Variants in FHL3 observed in about 807,000 individuals in gnomAD.
The protein encoded by FHL3 is four and a half LIM domains 3.
In FHL3, 21 loss-of-function variants were observed where a neutral mutation model predicts 34.3. The observed-to-expected ratio is 0.61, with a 90% CI of 0.43 to 0.88. The LOEUF is 0.88. Among genes scored for constraint, FHL3 ranks in the 40% least tolerant of loss-of-function variants. The probability of loss-of-function intolerance (pLI) is 0.00; values close to 1 mark genes in which losing one functional copy is unlikely to be tolerated. For missense variants in FHL3, 333 were observed against 373.7 expected (o/e 0.89, Z 0.90); for synonymous variants, 137 against 144.6 (o/e 0.95, Z 0.38).
At position 37,997,484 on chromosome 1, in the gene FHL3, G is replaced by C. The variant is rs896708881; in HGVS notation, c.764C>G (p.Ser255Cys). 7 of 1,614,058 alleles carry C rather than the reference G, an allele frequency of 4.3e-6. No homozygotes were observed. The highest frequency in any genetic ancestry group is 5.1e-6 in the Non-Finnish European group (6 of 1,179,972). ...HHNCFSCARCSTSLVGQGFVP... is the reference protein window; with the variant it reads ...HHNCFSCARCCTSLVGQGFVP... ...GAAGCCCTGGCCCACCAGGGAGGTA[G>C]AGCAGCGGGCGCAGGAGAAGCAGTT... Residue 255 changes from serine to cysteine, a missense_variant, in exon 6 of 6, where the codon TCT (serine) becomes TGT (cysteine). By Grantham distance (112) the Ser-to-Cys change is moderately radical (BLOSUM62 -1). Transcript: ENST00000373016. The surrounding 1 kb of genome is among the most constrained non-coding windows in gnomAD (Gnocchi z 4.3).
In FHL3 at chr1:37,997,394, G is replaced by T. The variant is rs747865957; in HGVS notation, c.*11C>A. 2.5e-6 allele frequency: 4 copies of T among 1,612,632 alleles called. No individual in the cohort carries two copies. Among genetic ancestry groups the T allele is most frequent in the Admixed American group, 3.3e-5 (2 of 59,798 alleles). ...CGTGGTATGGGAAAGCCTGGGTCCA[G>T]GAGCCCTGGCTTAGGGCCCTGCCTG... On this transcript the variant is annotated 3_prime_UTR_variant, in exon 6 of 6. Coordinates refer to ENST00000373016, the MANE Select transcript of FHL3 (RefSeq NM_004468.5). The surrounding 1 kb of genome is among the most constrained non-coding windows in gnomAD (Gnocchi z 4.3).
Position 37,997,455 on chromosome 1 carries a change from G to A in FHL3, c.793C>T (p.Pro265Ser), listed in dbSNP as rs1414141088. 1.2e-6 allele frequency: 2 copies of A among 1,613,946 alleles called. No homozygotes were observed. ...STSLVGQGFV[P>S]DGDQVLCQGC... ...TGGCAGAGCACTTGGTCTCCATCCGGTACGAAGCCCTGGCCCACCAGGGAG... is the reference window on the plus strand; with the variant it reads ...TGGCAGAGCACTTGGTCTCCATCCGATACGAAGCCCTGGCCCACCAGGGAG... The change falls in exon 6 of 6, where the codon CCG becomes TCG. Residue 265 changes from proline to serine, a missense_variant. Physicochemically the swap from Pro to Ser is moderately conservative, Grantham distance 74. Coordinates refer to ENST00000373016, the MANE Select transcript of FHL3 (RefSeq NM_004468.5). This position sits in a 1 kb window ranked among gnomAD's most constrained non-coding sequence, Gnocchi z 4.3.
In FHL3 at chr1:37,997,662, C is replaced by A. The variant is rs747155888; in HGVS notation, c.688+22G>T. ...TCCCTTGCCTGCACCCTACCCACTC[C>A]GTTCTTTGACCCTTGTCCCACCTAC... is the stretch of plus-strand genomic sequence containing the variant. On this transcript the variant is annotated intron_variant, in intron 5 of 5. Transcript: ENST00000373016. The surrounding 1 kb of genome is among the most constrained non-coding windows in gnomAD (Gnocchi z 4.3). 1 of 1,613,606 alleles carries A rather than the reference C, an allele frequency of 6.2e-7. No homozygotes were observed. The highest frequency in any genetic ancestry group is 1.7e-5 in the Admixed American group (1 of 60,002).
At chr1:38,003,556 T>C (rs1646615839) in intron 1 of FHL3, among the ~76,000 whole-genome samples, 1 of 152,196 alleles carries the variant, frequency 6.6e-6, no homozygotes, top group Non-Finnish European at 1.5e-5. Flanking sequence ...TTGAGATCTC[T>C]CATGCAGGTC....
Position 37,998,114 on chromosome 1 carries a change from T to C in FHL3, c.350A>G (p.Tyr117Cys). 1 of 1,614,010 alleles carries C rather than the reference T, an allele frequency of 6.2e-7. No individual in the cohort carries two copies. Among genetic ancestry groups the C allele is most frequent in the Non-Finnish European group, 8.5e-7 (1 of 1,179,946 alleles). Residue 117 changes from tyrosine (Y) to cysteine (C), a missense_variant, in exon 4 of 6, where the codon TAT becomes TGT. Transcript: ENST00000373016. ...GTGCTCATGCCATGTCTGGCCTCCA[T>C]ATTCCAGCTTCCGGGACCCTGTGGG... is the stretch of plus-strand genomic sequence containing the variant. ...TVMPGSRKLEYGGQTWHEHCF... is the reference protein window; with the variant it reads ...TVMPGSRKLECGGQTWHEHCF...
In FHL3 at chr1:37,999,017, C is replaced by G; in HGVS notation, c.288G>C (p.Ala96=). 1 of 1,614,274 alleles carries G rather than the reference C, an allele frequency of 6.2e-7. No homozygotes were observed. Among genetic ancestry groups the G allele is most frequent in the Non-Finnish European group, 8.5e-7 (1 of 1,180,050 alleles). The change falls in exon 3 of 6, where the codon GCG becomes GCC. Residue 96 remains alanine, a synonymous_variant. Transcript: ENST00000373016. ...CACAAGCGGAGCACTGCGAGGAAAA[C>G]GCACTGCAGTAGCAGTCATTGCAGA... ...ELLCNDCYCS[A]FSSQCSACGE...
intron 3 of FHL3, chr1:37,998,753 C>A: frequency 1.8e-6 from 1 of 568,856 alleles, no homozygotes; most frequent in Non-Finnish European, 3.1e-6. Flanking sequence ...GATATTCACA[C>A]ATGCTAAGCC....
intron 3 of FHL3, 115 bp from the exon 4 acceptor site, chr1:37,998,247 T>G: frequency 1.1e-6 from 1 of 901,376 alleles, no homozygotes; most frequent in Non-Finnish European, 1.7e-6. Context: ...GTGGTGTCCG[T>G]GCACATGCAG....
chr1:38,001,381 C>T (rs1410693300), intron 1 of FHL3, among the ~76,000 whole-genome samples: 2 of 152,238 alleles, frequency 1.3e-5, no homozygotes, highest in Non-Finnish European at 1.5e-5. Flanking sequence ...TTGGCTTGGC[C>T]CACTGCGGCT....
intron 1 of FHL3, among the ~76,000 whole-genome samples, chr1:38,000,678 T>C (rs572395542): frequency 5.9e-5 from 9 of 151,702 alleles, no homozygotes; most frequent in Non-Finnish European, 1.2e-4. Context: ...GCCTAGGGAG[T>C]GGAGCGGTAG....
intron 1 of FHL3, among the ~76,000 whole-genome samples, chr1:38,004,864 C>T (rs1646628156): frequency 6.6e-6 from 1 of 152,140 alleles, no homozygotes; most frequent in Non-Finnish European, 1.5e-5. Context: ...TCGCTGGGGT[C>T]CCACGTATGC....
At chr1:38,001,106 C>T (rs1036248494) in intron 1 of FHL3, among the ~76,000 whole-genome samples, 7 of 152,384 alleles carry the variant, frequency 4.6e-5, no homozygotes, top group Non-Finnish European at 8.8e-5. Context: ...CATCAAGCCT[C>T]TGCGCAATGG....
At position 37,999,417 on chromosome 1, in the gene FHL3, G is replaced by A. The variant is rs748640036; in HGVS notation, c.-5C>T. 1.9e-6 allele frequency: 3 copies of A among 1,614,050 alleles called. No individual in the cohort carries two copies. In the Admixed American group the frequency reaches 5.0e-5, roughly 27 times the overall value. On this transcript the variant is annotated 5_prime_UTR_variant, in exon 2 of 6. Coordinates refer to ENST00000373016, the MANE Select transcript of FHL3 (RefSeq NM_004468.5). ...ACAGTCAAATGACTCGCTCATGGTG[G>A]CAAGGGGAGAGAACCCTGTTAGGAG... is the stretch of plus-strand genomic sequence containing the variant.
chr1:37,999,243 G>A lies in FHL3; in HGVS notation c.156+14C>T. ...TCACCACCCACCTCCTGCCTGGCCT[G>A]GCCCTCTCCTTACCCTCGAGTCATG... On this transcript the variant is annotated intron_variant, in intron 2 of 5. Coordinates refer to ENST00000373016, the MANE Select transcript of FHL3 (RefSeq NM_004468.5). 1.9e-6 allele frequency: 3 copies of A among 1,614,196 alleles called. No individual in the cohort carries two copies. Among genetic ancestry groups the A allele is most frequent in the Admixed American group, 1.7e-5 (1 of 60,028 alleles).
intron 1 of FHL3, among the ~76,000 whole-genome samples, chr1:38,002,733 G>C (rs943373829): frequency 2.0e-5 from 3 of 151,494 alleles, no homozygotes; most frequent in African/African-American, 4.8e-5. Flanking sequence ...TAGAGATGGA[G>C]AGTTTCGCCA....
chr1:37,998,754 A>G (rs1402244713), intron 3 of FHL3: 9 of 569,984 alleles, frequency 1.6e-5, no homozygotes, highest in Non-Finnish European at 2.8e-5. Flanking sequence ...ATATTCACAC[A>G]TGCTAAGCCC....
rs1004631242 is a variant in FHL3 at position 37,998,971 on chromosome 1, T to C, written c.331+3A>G. On this transcript the variant is annotated splice_donor_region_variant and intron_variant, in intron 3 of 5. Coordinates refer to ENST00000373016, the MANE Select transcript of FHL3 (RefSeq NM_004468.5). ...CACACAAGATGAGCCCCTGAACACA[T>C]ACCAGGCATGACAGTCTCCCCACAA... 1 of 1,613,338 alleles carries C rather than the reference T, an allele frequency of 6.2e-7. No homozygotes were observed. The highest frequency in any genetic ancestry group is 1.3e-5 in the African/African-American group (1 of 75,004).
rs1273370360 is a variant in FHL3, at chr1:38,005,414, C to G, written c.-78G>C. ...GGCGCAGGCGGGGCCGGGAACCGGGCGCCGCGTCCCTCGGCGGCTCCTACC... is the reference window on the plus strand; with the variant it reads ...GGCGCAGGCGGGGCCGGGAACCGGGGGCCGCGTCCCTCGGCGGCTCCTACC... On this transcript the variant is annotated 5_prime_UTR_variant, in exon 1 of 6. Transcript: ENST00000373016. 6.7e-6 allele frequency: 1 copy of G among 149,418 alleles called. No individual in the cohort carries two copies. The highest frequency in any genetic ancestry group is 2.4e-5 in the African/African-American group (1 of 41,158). 9.3% of individuals were successfully genotyped at this position (149,418 alleles called of 1,614,324 possible).
rs551262913 is a variant in FHL3, at chr1:37,998,755, T to C, written c.331+219A>G. On this transcript the variant is annotated intron_variant, in intron 3 of 5. Coordinates refer to ENST00000373016, the MANE Select transcript of FHL3 (RefSeq NM_004468.5). ...TACTAAACATGCAGATATTCACACA[T>C]GCTAAGCCCCCAAGTATGTATCACA... 1.2e-5 allele frequency: 7 copies of C among 572,520 alleles called. No homozygotes were observed. In the Admixed American group the frequency reaches 2.1e-4, roughly 17 times the overall value. 35.5% of individuals were successfully genotyped at this position (572,520 alleles called of 1,614,324 possible).
Sources: gnomAD v4.1 joint callset for allele counts (sites outside exome capture counted in the v4.1 genomes callset) on GRCh38, gnomAD v4.1.1 for gene constraint, Gnocchi (gnomAD v3.1) non-coding constraint, MANE v1.5 for transcripts, NCBI Gene and HGNC (gene_info 2026-07-23, HGNC 2026-07-21) for gene names.